The following SEPTIN2 variants were observed in gnomAD, a reference collection of about 807,000 sequenced individuals.
The protein encoded by SEPTIN2 is septin-2.
A neutral mutation model predicts 46.5 loss-of-function variants in SEPTIN2; 34 were observed. That is an observed-to-expected ratio of 0.73 (90% CI 0.56 to 0.97). The LOEUF (loss-of-function observed/expected upper bound fraction) is 0.97, where lower values mean the gene tolerates loss of function less well. SEPTIN2 is among the 50% of genes least tolerant of loss of function. The probability of loss-of-function intolerance (pLI) is 0.00; values close to 1 mark genes in which losing one functional copy is unlikely to be tolerated. For missense variants in SEPTIN2, 347 were observed against 448.4 expected (o/e 0.77, Z 2.04); for synonymous variants, 175 against 153.4 (o/e 1.14, Z -1.04).
At chr2:241,322,269 T>A (rs1054742833) in intron 1 of SEPTIN2, among the ~76,000 whole-genome samples, 1 of 152,158 alleles carries the variant, frequency 6.6e-6, no homozygotes, top group Admixed American at 6.5e-5. Context: ...ACAGACTCCA[T>A]GCTTTCCAAA....
chr2:241,321,140 A>G (rs144300779), intron 1 of SEPTIN2, among the ~76,000 whole-genome samples: 138 of 152,236 alleles, frequency 9.1e-4, no homozygotes, highest in Non-Finnish European at 1.8e-3. Context: ...TATTGATTCA[A>G]ATTTCTCTAT....
At chr2:241,328,073 A>G (rs941962236) in intron 3 of SEPTIN2, among the ~76,000 whole-genome samples, 4 of 152,202 alleles carry the variant, frequency 2.6e-5, no homozygotes, top group Non-Finnish European at 4.4e-5. Context: ...AAAAGTAGCC[A>G]GAACAAAGAA....
At chr2:241,350,720 A>G (rs2060713350) in intron 12 of SEPTIN2, among the ~76,000 whole-genome samples, 1 of 152,128 alleles carries the variant, frequency 6.6e-6, no homozygotes, top group Non-Finnish European at 1.5e-5. Context: ...GTCCCGACTG[A>G]TGGTCATTAG....
chr2:241,332,103 C>G (rs983655198), intron 3 of SEPTIN2, among the ~76,000 whole-genome samples: 4 of 152,178 alleles, frequency 2.6e-5, no homozygotes, highest in Non-Finnish European at 5.9e-5. Flanking sequence ...GCTATAAAAA[C>G]TACAAGAAAA....
intron 9 of SEPTIN2, 142 bp downstream of exon 9, chr2:241,344,039 T>C (rs2081634374): frequency 9.5e-7 from 1 of 1,048,466 alleles, no homozygotes; most frequent in Non-Finnish European, 1.4e-6. Context: ...GCAGAAGTGG[T>C]GTGGGGCTGT....
intron 3 of SEPTIN2, 68 bp from the exon 4 acceptor site, chr2:241,335,057 TA>T: frequency 9.0e-7 from 1 of 1,107,246 alleles, no homozygotes; most frequent in South Asian, 1.3e-5. Flanking sequence ...AGGCCTTATG[TA>T]AACACTTAAC....
chr2:241,329,863 A>G (rs1432767165), intron 3 of SEPTIN2, among the ~76,000 whole-genome samples: 2 of 152,236 alleles, frequency 1.3e-5, no homozygotes, highest in Non-Finnish European at 2.9e-5. Flanking sequence ...CAAATAAGGA[A>G]GAGCAACAGG....
chr2:241,320,122 CCTTT>C (rs1575128957), intron 1 of SEPTIN2: 1 of 421,744 alleles, frequency 2.4e-6, no homozygotes, highest in Non-Finnish European at 4.9e-6. Flanking sequence ...TTCCTTTGTT[CCTTT>C]CTTATGTCTC....
chr2:241,328,960 C>T lies in SEPTIN2; in HGVS notation c.130+2847C>T, dbSNP rs577197008. Reference sequence around the variant, plus strand: ...ACTTGAACCCGGGAGGTGGAGGTTGCGGTGAGCCGAGATCGCGCCATTGCA... The same window carrying T: ...ACTTGAACCCGGGAGGTGGAGGTTGTGGTGAGCCGAGATCGCGCCATTGCA... On this transcript the variant is annotated intron_variant, in intron 3 of 12. Transcript: ENST00000391971. Among the ~76,000 whole-genome samples, 42 of 151,606 alleles carry T rather than the reference C, an allele frequency of 2.8e-4. No individual in the cohort carries two copies. In the South Asian group the frequency reaches 8.6e-3, roughly 31 times the overall value.
intron 3 of SEPTIN2, among the ~76,000 whole-genome samples, chr2:241,334,028 T>TG: frequency 8.3e-6 from 1 of 120,204 alleles, no homozygotes. Flanking sequence ...GGTTTTGGGG[T>TG]TTTTTTTACT....
At chr2:241,330,455 A>G (rs1308161307) in intron 3 of SEPTIN2, among the ~76,000 whole-genome samples, 1 of 152,188 alleles carries the variant, frequency 6.6e-6, no homozygotes, top group African/African-American at 2.4e-5. Context: ...GTAGCTGTGG[A>G]GGGAGGGTTT....
intron 3 of SEPTIN2, among the ~76,000 whole-genome samples, chr2:241,327,927 C>T (rs373637377): frequency 5.5e-4 from 83 of 152,198 alleles, no homozygotes; most frequent in African/African-American, 1.9e-3. Context: ...GTGGGGGATG[C>T]CGGTAGTCAC....
intron 7 of SEPTIN2, among the ~76,000 whole-genome samples, chr2:241,338,062 TC>T (rs2080333435): frequency 6.6e-6 from 1 of 152,224 alleles, no homozygotes; most frequent in Admixed American, 6.5e-5. Context: ...ACAAGTACCT[TC>T]CATGGGAGTT....
chr2:241,324,834 A>G (rs12464005), intron 2 of SEPTIN2: 1 of 152,628 alleles, frequency 6.6e-6, no homozygotes, highest in African/African-American at 2.4e-5. Context: ...TTATGATGAA[A>G]TTGATGGGGC....
chr2:241,319,052 A>G (rs1031859339), intron 1 of SEPTIN2, among the ~76,000 whole-genome samples: 3 of 152,014 alleles, frequency 2.0e-5, no homozygotes, highest in African/African-American at 7.3e-5. Flanking sequence ...TTTTCTTTTG[A>G]TTTTCTTGTT....
rs527818119 is a variant in SEPTIN2 at position 241,337,982 on chromosome 2, G to A, written c.594+192G>A. On this transcript the variant is annotated intron_variant, in intron 7 of 12. Coordinates refer to ENST00000391971, the MANE Select transcript of SEPTIN2 (RefSeq NM_004404.5). The stretch of plus-strand genomic sequence containing the variant: ...AATTTTAATTTTTGCCTTCATGAAG[G>A]TATCAAATTTCTATTCTTTAAATTC... Among the ~76,000 whole-genome samples, 3 of 152,280 alleles carry A rather than the reference G, an allele frequency of 2.0e-5. No homozygotes were observed. The South Asian group carries it at 6.2e-4, about 32-fold the overall frequency.
intron 7 of SEPTIN2, among the ~76,000 whole-genome samples, chr2:241,338,656 ATATT>A (rs1296005912): frequency 7.8e-6 from 1 of 128,510 alleles, no homozygotes; most frequent in Admixed American, 9.5e-5. Context: ...TATTACATAT[ATATT>A]ATATCTATAT....
At chr2:241,316,458 C>T in intron 1 of SEPTIN2, 14 of 1,474,976 alleles carry the variant, frequency 9.5e-6, no homozygotes, top group Non-Finnish European at 1.3e-5. Context: ...CCTCCAAGCC[C>T]ATCGGCTGGA....
rs1487970001 is a variant in SEPTIN2, at chr2:241,353,017, G to A, written c.*1080G>A. Reference sequence around the variant, plus strand: ...AGTGTTCCCGCCCTAAGGCCTTGGTGCCCTGAACCTCTGATGCCTACCGGG... The same window carrying A: ...AGTGTTCCCGCCCTAAGGCCTTGGTACCCTGAACCTCTGATGCCTACCGGG... On this transcript the variant is annotated 3_prime_UTR_variant, in exon 13 of 13. Coordinates refer to ENST00000391971, the MANE Select transcript of SEPTIN2 (RefSeq NM_004404.5). The A allele has an allele frequency of 6.6e-6, 1 of 152,172 alleles. No homozygotes were observed. Among genetic ancestry groups the A allele is most frequent in the Admixed American group, 6.5e-5 (1 of 15,288 alleles). 9.4% of individuals were successfully genotyped at this position (152,172 alleles called of 1,614,324 possible).
Sources: allele counts gnomAD v4.1 joint callset (sites outside exome capture counted in the v4.1 genomes callset), GRCh38; gene constraint gnomAD v4.1.1; transcripts MANE v1.5; gene names NCBI Gene and HGNC (gene_info 2026-07-23, HGNC 2026-07-21).